DIAPH2: variants seen among roughly 807,000 people sequenced by gnomAD.
DIAPH2 encodes the protein diaphanous related formin 2.
In DIAPH2, 35 loss-of-function variants were observed where a neutral mutation model predicts 92.7. That is an observed-to-expected ratio of 0.38 (90% CI 0.29 to 0.50). The LOEUF (loss-of-function observed/expected upper bound fraction) is 0.50, where lower values mean the gene tolerates loss of function less well. DIAPH2 is among the 20% of genes least tolerant of loss of function. DIAPH2 has a pLI of 0.94. For synonymous variants in DIAPH2, 301 were observed against 280.4 expected (o/e 1.07, Z -0.73); for missense variants, 701 against 819.5 (o/e 0.86, Z 1.77).
At chrX:97,042,811 A>G (rs1260928860) in intron 17 of DIAPH2, among the ~76,000 whole-genome samples, 1 of 111,994 alleles carries the variant, frequency 8.9e-6, no homozygotes, top group Non-Finnish European at 1.9e-5. Context: ...AAAATTTAGA[A>G]CTCACTGTAG....
At chrX:97,029,875 G>T (rs1243151572) in intron 17 of DIAPH2, among the ~76,000 whole-genome samples, 1 of 111,274 alleles carries the variant, frequency 9.0e-6, no homozygotes, top group Non-Finnish European at 1.9e-5. Context: ...TGGCAGGTGT[G>T]TGTCCTCTAC....
intron 23 of DIAPH2, among the ~76,000 whole-genome samples, chrX:97,334,932 G>A (rs905376191): frequency 7.4e-5 from 7 of 94,553 alleles, no homozygotes; most frequent in African/African-American, 2.8e-4. Context: ...AGTGAGCCGA[G>A]AACGCACCAC....
intron 1 of DIAPH2, among the ~76,000 whole-genome samples, chrX:96,704,565 A>G (rs1195736931): frequency 2.7e-5 from 3 of 111,681 alleles, no homozygotes. Flanking sequence ...TTGCCCTACC[A>G]TATGATTTTT....
chrX:97,247,006 T>C (rs773502837), intron 22 of DIAPH2, among the ~76,000 whole-genome samples: 1 of 112,204 alleles, frequency 8.9e-6, no homozygotes, highest in Non-Finnish European at 1.9e-5. Flanking sequence ...CTGAAAAATG[T>C]GCATGTATTT....
intron 17 of DIAPH2, among the ~76,000 whole-genome samples, chrX:97,062,105 A>G (rs755859888): frequency 9.0e-6 from 1 of 111,654 alleles, no homozygotes; most frequent in East Asian, 2.8e-4. Context: ...GCCCTCAATG[A>G]TATATCTAGT....
intron 21 of DIAPH2, among the ~76,000 whole-genome samples, chrX:97,116,795 GATTTCTTTGAA>G (rs1385797522): frequency 1.8e-5 from 2 of 111,716 alleles, no homozygotes; most frequent in African/African-American, 6.5e-5. Context: ...TACATGAACT[GATTTCTTTGAA>G]GCAAGAATGA....
chrX:97,422,820 G>A (rs748485537), intron 25 of DIAPH2, among the ~76,000 whole-genome samples: 5 of 111,729 alleles, frequency 4.5e-5, no homozygotes, highest in Non-Finnish European at 1.9e-5. Flanking sequence ...AGGAAGGAGA[G>A]CACAGAGTAA....
chrX:97,118,634 C>T lies in DIAPH2; in HGVS notation c.2589+3669C>T, dbSNP rs113924958. ...TACAGTTGAGCAGCCAGGAAATATA[C>T]ATACACAATATTATGTAATGTCACA... On this transcript the variant is annotated intron_variant, in intron 21 of 26. Coordinates refer to ENST00000324765, the MANE Select transcript of DIAPH2 (RefSeq NM_006729.5). Among the ~76,000 whole-genome samples, 380 of 112,058 alleles carry T rather than the reference C, an allele frequency of 3.4e-3. 1 individual carries two copies. Among genetic ancestry groups the T allele is most frequent in the African/African-American group, 0.012 (369 of 30,880 alleles).
intron 23 of DIAPH2, among the ~76,000 whole-genome samples, chrX:97,302,422 C>T (rs1307155550): frequency 9.4e-6 from 1 of 105,883 alleles, no homozygotes; most frequent in African/African-American, 3.4e-5. Flanking sequence ...TCCTAGCTAC[C>T]CAGGAGGCTG....
intron 20 of DIAPH2, among the ~76,000 whole-genome samples, chrX:97,113,001 A>G (rs1233126597): frequency 9.2e-6 from 1 of 108,399 alleles, no homozygotes; most frequent in African/African-American, 3.4e-5. Flanking sequence ...GCTGGTCTCA[A>G]ACTCCTGACC....
chrX:96,705,877 G>C (rs757602354), intron 1 of DIAPH2, among the ~76,000 whole-genome samples: 2 of 111,595 alleles, frequency 1.8e-5, no homozygotes, highest in Non-Finnish European at 3.8e-5. Flanking sequence ...GCAGGCCCTG[G>C]GAATCTGCAT....
At chrX:96,800,919 A>G (rs760789206) in intron 4 of DIAPH2, among the ~76,000 whole-genome samples, 21 of 112,287 alleles carry the variant, frequency 1.9e-4, no homozygotes, top group African/African-American at 6.1e-4. Flanking sequence ...CGAACTGCAT[A>G]TTAATCATAA....
At chrX:96,818,265 C>T (rs1237132887) in intron 4 of DIAPH2, among the ~76,000 whole-genome samples, 1 of 109,873 alleles carries the variant, frequency 9.1e-6, no homozygotes, top group Non-Finnish European at 1.9e-5. Flanking sequence ...AGGTGTGAGC[C>T]GCGGTGCCTG....
chrX:97,584,858 T>G (rs746520217), intron 26 of DIAPH2, among the ~76,000 whole-genome samples: 1 of 112,736 alleles, frequency 8.9e-6, no homozygotes, highest in Non-Finnish European at 1.9e-5. Context: ...TGCAAGTTGG[T>G]CCACAAGGAT....
intron 4 of DIAPH2, among the ~76,000 whole-genome samples, chrX:96,802,768 C>T (rs2064593117): frequency 9.0e-6 from 1 of 111,223 alleles, no homozygotes; most frequent in South Asian, 3.8e-4. Context: ...GGTGAAGTCC[C>T]GCAATAGGCC....
intron 4 of DIAPH2, among the ~76,000 whole-genome samples, chrX:96,811,750 A>G (rs1174400950): frequency 9.0e-6 from 1 of 111,570 alleles, no homozygotes; most frequent in Non-Finnish European, 1.9e-5. Context: ...AATTTTGTCA[A>G]AGGTCTTTTC....
Position 97,265,995 on chromosome X carries a change from T to C in DIAPH2, c.2844+18156T>C, listed in dbSNP as rs750752812. 2.7e-5 allele frequency among the ~76,000 whole-genome samples: 3 copies of C among 112,385 alleles called. No homozygotes were observed. The East Asian group carries it at 8.4e-4, about 31-fold the overall frequency. On this transcript the variant is annotated intron_variant, in intron 23 of 26. Coordinates refer to ENST00000324765, the MANE Select transcript of DIAPH2 (RefSeq NM_006729.5). ...AAGGCATTGTTGCAAAACTAATTTA[T>C]CACATACGTTCCTAGTTGGGGTTCT...
At chrX:96,723,716 T>C (rs2064002569) in intron 1 of DIAPH2, among the ~76,000 whole-genome samples, 1 of 111,779 alleles carries the variant, frequency 8.9e-6, no homozygotes, top group East Asian at 2.8e-4. Flanking sequence ...GGCCCATGTA[T>C]GTAGAAAACT....
chrX:97,238,523 G>A (rs1338752988), intron 22 of DIAPH2, among the ~76,000 whole-genome samples: 1 of 110,184 alleles, frequency 9.1e-6, no homozygotes, highest in African/African-American at 3.3e-5. Flanking sequence ...AAGTTTTATG[G>A]AATAAGAATT....
Sources: allele counts gnomAD v4.1 joint callset (sites outside exome capture counted in the v4.1 genomes callset), GRCh38; gene constraint gnomAD v4.1.1; transcripts MANE v1.5; gene names NCBI Gene and HGNC (gene_info 2026-07-23, HGNC 2026-07-21).